Variants in CTIF observed in about 807,000 individuals in gnomAD.
CTIF encodes the protein cap binding complex dependent translation initiation factor.
Under a neutral mutation model 66.0 loss-of-function variants are expected in CTIF, and 21 were observed. The observed-to-expected ratio is 0.32, with a 90% CI of 0.23 to 0.46. The LOEUF is 0.46. Among genes scored for constraint, CTIF ranks in the 20% least tolerant of loss-of-function variants. CTIF has a pLI of 1.00. For missense variants in CTIF, 739 were observed against 812.7 expected, an observed-to-expected ratio of 0.91 and a Z score of 1.10; for synonymous variants, 345 against 326.4, an observed-to-expected ratio of 1.06 and a Z score of -0.62.
intron 1 of CTIF, among the ~76,000 whole-genome samples, chr18:48,582,490 T>C (rs1488993067): frequency 6.6e-6 from 1 of 152,100 alleles, no homozygotes; most frequent in Non-Finnish European, 1.5e-5. Context: ...GTTGCCTGCA[T>C]AGGACCACGT....
intron 9 of CTIF, among the ~76,000 whole-genome samples, chr18:48,805,343 G>A (rs1403661078): frequency 6.6e-6 from 1 of 152,020 alleles, no homozygotes; most frequent in African/African-American, 2.4e-5. Flanking sequence ...AGCCATGGGG[G>A]CCAGGCCGCA....
chr18:48,673,913 G>A (rs1324037716), intron 6 of CTIF, among the ~76,000 whole-genome samples: 1 of 152,238 alleles, frequency 6.6e-6, no homozygotes, highest in African/African-American at 2.4e-5. Context: ...CACCCCTGCT[G>A]TATGTCTTAA....
At chr18:48,560,522 G>C (rs2089133094) in intron 1 of CTIF, among the ~76,000 whole-genome samples, 1 of 151,736 alleles carries the variant, frequency 6.6e-6, no homozygotes, top group Non-Finnish European at 1.5e-5. Context: ...ACCACGCCCG[G>C]CTTGGAGGCT....
At chr18:48,613,876 T>G (rs902053850) in intron 1 of CTIF, among the ~76,000 whole-genome samples, 1 of 152,160 alleles carries the variant, frequency 6.6e-6, no homozygotes, top group African/African-American at 2.4e-5. Context: ...CCTCCAGCTG[T>G]AGACTCAGGG....
intron 7 of CTIF, among the ~76,000 whole-genome samples, chr18:48,735,702 T>C (rs1430829332): frequency 1.3e-5 from 2 of 152,138 alleles, no homozygotes; most frequent in Non-Finnish European, 2.9e-5. Flanking sequence ...GTTGGAGTCT[T>C]GAGGATTCTT....
intron 11 of CTIF, among the ~76,000 whole-genome samples, chr18:48,858,462 A>G (rs949376443): frequency 7.6e-5 from 7 of 92,710 alleles, no homozygotes; most frequent in African/African-American, 6.4e-4. Flanking sequence ...TCTGGTTAGG[A>G]ATAGCTCTCA....
intron 3 of CTIF, among the ~76,000 whole-genome samples, chr18:48,644,296 T>C (rs1234653736): frequency 2.0e-5 from 3 of 152,182 alleles, no homozygotes; most frequent in South Asian, 2.1e-4. Flanking sequence ...GTGAGGAACA[T>C]AGCCATGGTG....
At chr18:48,657,857 GTC>G (rs2091270202) in intron 3 of CTIF, among the ~76,000 whole-genome samples, 1 of 152,200 alleles carries the variant, frequency 6.6e-6, no homozygotes, top group South Asian at 2.1e-4. Context: ...TGAGAGGCAA[GTC>G]CAACGCTTGC....
intron 10 of CTIF, 75 bp from the exon 11 acceptor site, chr18:48,857,513 G>A (rs1226162202): frequency 7.2e-6 from 10 of 1,389,760 alleles, no homozygotes; most frequent in Non-Finnish European, 8.9e-6. Context: ...AGGTCGGCGG[G>A]GGCTGCAGGG....
intron 6 of CTIF, among the ~76,000 whole-genome samples, chr18:48,680,081 C>T (rs530753868): frequency 1.7e-4 from 26 of 152,192 alleles, no homozygotes; most frequent in Non-Finnish European, 3.1e-4. Context: ...GATTCAGAAG[C>T]CGTGGGACAG....
At chr18:48,834,357 A>G (rs991595573) in intron 10 of CTIF, among the ~76,000 whole-genome samples, 2 of 152,234 alleles carry the variant, frequency 1.3e-5, no homozygotes, top group African/African-American at 2.4e-5. Flanking sequence ...GTCACAAAAT[A>G]TTCTTTGATT....
chr18:48,576,707 A>T (rs1434271399), intron 1 of CTIF, among the ~76,000 whole-genome samples: 1 of 152,234 alleles, frequency 6.6e-6, no homozygotes, highest in East Asian at 1.9e-4. Flanking sequence ...TGAGTATGAC[A>T]CTAAGAAAGC....
intron 1 of CTIF, among the ~76,000 whole-genome samples, chr18:48,593,779 T>C (rs1021939003): frequency 2.0e-5 from 3 of 151,838 alleles, no homozygotes; most frequent in African/African-American, 7.3e-5. Context: ...TTCTTATTTA[T>C]AGATATAGGA....
intron 7 of CTIF, among the ~76,000 whole-genome samples, chr18:48,725,965 C>T (rs1205195529): frequency 1.3e-5 from 2 of 152,094 alleles, no homozygotes; most frequent in African/African-American, 4.8e-5. Context: ...TGCTGAGTTG[C>T]CTAGACTTCA....
chr18:48,639,932 C>T (rs1275941820), intron 3 of CTIF, among the ~76,000 whole-genome samples: 1 of 152,214 alleles, frequency 6.6e-6, no homozygotes, highest in Non-Finnish European at 1.5e-5. Context: ...TTGCCCCCTA[C>T]TGGAGGGATC....
chr18:48,756,180 C>G (rs909525460), intron 7 of CTIF: 3 of 152,212 alleles, frequency 2.0e-5, no homozygotes, highest in African/African-American at 7.2e-5. Context: ...TAGCCACACC[C>G]CCACCCACCA....
At chr18:48,598,736 G>A (rs1370318279) in intron 1 of CTIF, among the ~76,000 whole-genome samples, 2 of 152,208 alleles carry the variant, frequency 1.3e-5, no homozygotes, top group African/African-American at 2.4e-5. Context: ...GAATGAGCAT[G>A]ATAGCACCAA....
At chr18:48,624,692 G>T (rs898663535) in intron 2 of CTIF, among the ~76,000 whole-genome samples, 8 of 152,196 alleles carry the variant, frequency 5.3e-5, no homozygotes, top group African/African-American at 1.9e-4. Context: ...AGGGGCCTGG[G>T]CCTGAACTAT....
At chr18:48,787,052 G>A (rs1007036113) in intron 9 of CTIF, among the ~76,000 whole-genome samples, 1 of 152,176 alleles carries the variant, frequency 6.6e-6, no homozygotes, top group African/African-American at 2.4e-5. Flanking sequence ...CTGTGGCTGG[G>A]AGTTTGTTTG....
Sources: gnomAD v4.1 joint callset for allele counts (sites outside exome capture counted in the v4.1 genomes callset) on GRCh38, gnomAD v4.1.1 for gene constraint, MANE v1.5 for transcripts, NCBI Gene and HGNC (gene_info 2026-07-23, HGNC 2026-07-21) for gene names.